RUNDC3B: variants seen among roughly 807,000 people sequenced by gnomAD.
RUNDC3B encodes the protein RUN domain containing 3B, also known as RUN domain-containing protein 3B.
RUNDC3B carries 33 observed loss-of-function variants against 58.4 expected under a neutral mutation model. The observed-to-expected ratio is 0.56, with a 90% CI of 0.43 to 0.75. The LOEUF is 0.75. Among genes scored for constraint, RUNDC3B ranks in the 30% least tolerant of loss-of-function variants. The probability of loss-of-function intolerance (pLI) is 0.00; values close to 1 mark genes in which losing one functional copy is unlikely to be tolerated. For synonymous variants in RUNDC3B, 193 were observed against 195.2 expected (o/e 0.99, Z 0.10); for missense variants, 501 against 535.7 (o/e 0.94, Z 0.64).
At chr7:87,721,824 T>G (rs1198089801) in intron 4 of RUNDC3B, among the ~76,000 whole-genome samples, 1 of 152,008 alleles carries the variant, frequency 6.6e-6, no homozygotes, top group African/African-American at 2.4e-5. Context: ...TGATCTCATC[T>G]GTTTCTTTGA....
intron 8 of RUNDC3B, among the ~76,000 whole-genome samples, chr7:87,778,440 C>CAAA (rs34916526): frequency 1.4e-5 from 1 of 69,352 alleles, no homozygotes; most frequent in African/African-American, 4.9e-5. Flanking sequence ...AAAACTCTGT[C>CAAA]AAAAAAAAAA....
chr7:87,820,296 G>A (rs1341266933), intron 10 of RUNDC3B, among the ~76,000 whole-genome samples: 1 of 152,180 alleles, frequency 6.6e-6, no homozygotes, highest in African/African-American at 2.4e-5. Flanking sequence ...AGAAGAAATG[G>A]ATAAATTCCT....
At chr7:87,666,118 C>G (rs1825215760) in intron 2 of RUNDC3B, among the ~76,000 whole-genome samples, 1 of 152,074 alleles carries the variant, frequency 6.6e-6, no homozygotes, top group Non-Finnish European at 1.5e-5. Context: ...AGTGTATAAG[C>G]ATCCCCTTTT....
intron 2 of RUNDC3B, among the ~76,000 whole-genome samples, chr7:87,687,946 T>TTTCCAACTTTTG (rs1452149849): frequency 6.6e-6 from 1 of 152,184 alleles, no homozygotes; most frequent in Non-Finnish European, 1.5e-5. Flanking sequence ...TTTTGAAGAT[T>TTTCCAACTTTTG]TTCCAACTTT....
At chr7:87,767,843 C>T (rs1004759050) in intron 6 of RUNDC3B, among the ~76,000 whole-genome samples, 2 of 152,176 alleles carry the variant, frequency 1.3e-5, no homozygotes, top group African/African-American at 4.8e-5. Flanking sequence ...CTGTCACACC[C>T]TTGTCACAGG....
chr7:87,684,746 C>CAAAAAAAAAAA (rs71524694), intron 2 of RUNDC3B, among the ~76,000 whole-genome samples: 6 of 37,786 alleles, frequency 1.6e-4, no homozygotes, highest in East Asian at 8.4e-4. Context: ...GACTCCGTCT[C>CAAAAAAAAAAA]AAAAAAAAAA....
intron 2 of RUNDC3B, among the ~76,000 whole-genome samples, chr7:87,670,824 G>T (rs538909587): frequency 1.3e-5 from 2 of 152,278 alleles, no homozygotes; most frequent in South Asian, 4.1e-4. Flanking sequence ...GACTTGTTTG[G>T]TTGTGTGGCT....
At chr7:87,764,944 TG>T (rs888238136) in intron 6 of RUNDC3B, among the ~76,000 whole-genome samples, 5 of 152,050 alleles carry the variant, frequency 3.3e-5, no homozygotes, top group African/African-American at 1.2e-4. Flanking sequence ...TGCTCTTTTT[TG>T]TTGGGAGATT....
Position 87,650,888 on chromosome 7 carries a change from T to C in RUNDC3B, c.189T>C (p.Phe63=), listed in dbSNP as rs755856161. The stretch of plus-strand genomic sequence containing the variant: ...CAATTGATGATTCTTCTCCTGAATT[T>C]AACAATTTTGCAGCTATTTTGGAAC... The part of the protein sequence containing the change: ...FETIDDSSPE[F]NNFAAILEQI... The change falls in exon 2 of 11, where the codon TTT becomes TTC. Residue 63 remains phenylalanine (F), a synonymous_variant. Coordinates refer to ENST00000394654, the MANE Select transcript of RUNDC3B (RefSeq NM_001134405.2). The C allele has an allele frequency of 3.1e-6, 5 of 1,613,070 alleles. No individual in the cohort carries two copies. In the East Asian group the frequency reaches 1.1e-4, roughly 36 times the overall value.
chr7:87,759,388 A>G (rs1326266766), intron 6 of RUNDC3B, among the ~76,000 whole-genome samples: 1 of 152,176 alleles, frequency 6.6e-6, no homozygotes, highest in East Asian at 1.9e-4. Flanking sequence ...AAACATAGTT[A>G]GAATGAATAA....
At chr7:87,651,554 C>G (rs1271326740) in intron 2 of RUNDC3B, among the ~76,000 whole-genome samples, 1 of 152,024 alleles carries the variant, frequency 6.6e-6, no homozygotes, top group African/African-American at 2.4e-5. Flanking sequence ...ACAATAAGTA[C>G]TAACTTTATC....
chr7:87,731,305 G>A (rs535527134), intron 4 of RUNDC3B, among the ~76,000 whole-genome samples: 46 of 152,138 alleles, frequency 3.0e-4, no homozygotes, highest in African/African-American at 1.1e-3. Flanking sequence ...ATAAATTAAG[G>A]CTTATCACAA....
At chr7:87,684,746 C>CAAAAAAAA (rs71524694) in intron 2 of RUNDC3B, among the ~76,000 whole-genome samples, 36 of 37,792 alleles carry the variant, frequency 9.5e-4, no homozygotes, top group African/African-American at 3.0e-3. Context: ...GACTCCGTCT[C>CAAAAAAAA]AAAAAAAAAA....
Position 87,831,379 on chromosome 7 carries a change from A to G in RUNDC3B, c.*1349A>G, listed in dbSNP as rs894572400. On this transcript the variant is annotated 3_prime_UTR_variant, in exon 11 of 11. Transcript: ENST00000394654. ...TGTAGGAGTGTGGTGGTTTTCTGCA[A>G]TATTTAGAGCTTAGTCTCATAATTT... The G allele has an allele frequency of 3.3e-5, 5 of 151,812 alleles. No individual in the cohort carries two copies. 9.4% of individuals were successfully genotyped at this position (151,812 alleles called of 1,614,324 possible).
Position 87,806,914 on chromosome 7 carries a change from G to GT in RUNDC3B, c.957-450dup, listed in dbSNP as rs555739378. Among the ~76,000 whole-genome samples the GT allele has an allele frequency of 3.1e-3, 471 of 150,550 alleles. 3 individuals carry two copies. The highest frequency in any genetic ancestry group is 1.0e-2 in the African/African-American group (410 of 41,038). ...TTTATTTTATATTTTTTTGCAGTCAGTTTTTTTTTCATTTTAATCACTTTT... is the reference window on the plus strand; with the variant it reads ...TTTATTTTATATTTTTTTGCAGTCAGTTTTTTTTTTCATTTTAATCACTTTT... On this transcript the variant is annotated intron_variant, in intron 8 of 10. Coordinates refer to ENST00000394654, the MANE Select transcript of RUNDC3B (RefSeq NM_001134405.2).
intron 1 of RUNDC3B, among the ~76,000 whole-genome samples, chr7:87,632,321 G>T (rs1037068474): frequency 6.6e-6 from 1 of 152,284 alleles, no homozygotes; most frequent in Middle Eastern, 3.4e-3. Context: ...GTTTAGATAG[G>T]TAAGATAATC....
chr7:87,673,783 T>C lies in RUNDC3B; in HGVS notation c.238+22846T>C, dbSNP rs151257158. The stretch of plus-strand genomic sequence containing the variant: ...TAGTTGTTTGGAGGTAATAAGACAC[T>C]CTGGCTGTTTGAGTTGCCAGAGGTC... On this transcript the variant is annotated intron_variant, in intron 2 of 10. Coordinates refer to ENST00000394654, the MANE Select transcript of RUNDC3B (RefSeq NM_001134405.2). Among the ~76,000 whole-genome samples, 865 of 152,322 alleles carry C rather than the reference T, an allele frequency of 5.7e-3. 9 individuals carry two copies. The highest frequency in any genetic ancestry group is 0.031 in the Middle Eastern group (9 of 294).
chr7:87,714,944 C>T (rs1172786125), intron 4 of RUNDC3B, among the ~76,000 whole-genome samples: 1 of 152,026 alleles, frequency 6.6e-6, no homozygotes, highest in Admixed American at 6.6e-5. Flanking sequence ...TTGGCTCATT[C>T]TGGCAGTCCA....
At chr7:87,784,697 T>C (rs1835109752) in intron 8 of RUNDC3B, among the ~76,000 whole-genome samples, 1 of 123,422 alleles carries the variant, frequency 8.1e-6, no homozygotes, top group South Asian at 2.7e-4. Flanking sequence ...GAGGGAGAGA[T>C]GTGGTGGTAG....
Sources: allele counts gnomAD v4.1 joint callset (sites outside exome capture counted in the v4.1 genomes callset), GRCh38; gene constraint gnomAD v4.1.1; transcripts MANE v1.5; gene names NCBI Gene and HGNC (gene_info 2026-07-23, HGNC 2026-07-21).